Variants in SLC36A1 observed in about 807,000 individuals in gnomAD.
SLC36A1 encodes solute carrier family 36 member 1.
Under a neutral mutation model 47.5 loss-of-function variants are expected in SLC36A1, and 30 were observed. That is an observed-to-expected ratio of 0.63 (90% CI 0.47 to 0.86). The LOEUF (loss-of-function observed/expected upper bound fraction) is 0.86. Ranked by LOEUF, SLC36A1 falls within the 40% of genes least tolerant of loss-of-function variation. The pLI, the probability that SLC36A1 is intolerant of heterozygous loss-of-function variation, is 0.00. For missense variants in SLC36A1, 517 were observed against 606.0 expected, an observed-to-expected ratio of 0.85 and a Z score of 1.54; for synonymous variants, 255 against 249.7, an observed-to-expected ratio of 1.02 and a Z score of -0.20.
chr5:151,509,900 G>A, the SLC36A1 span: 46 of 1,169,494 alleles, frequency 3.9e-5, no homozygotes, highest in South Asian at 5.0e-4. Context: ...GATGGAAAAG[G>A]CCTAGAAGCC....
chr5:151,527,463 A>G, the SLC36A1 span: 1 of 1,365,406 alleles, frequency 7.3e-7, no homozygotes, highest in Non-Finnish European at 9.8e-7. Context: ...ATTTTCAAAA[A>G]AAATAAGAAG....
chr5:151,494,220 G>T (rs932838702), downstream of SLC36A1, among the ~76,000 whole-genome samples: 1 of 152,074 alleles, frequency 6.6e-6, no homozygotes, highest in Non-Finnish European at 1.5e-5. Context: ...TGCCCATTGC[G>T]GTTGTGCTGA....
At position 151,476,842 on chromosome 5, in the gene SLC36A1, T is replaced by C. The variant is rs756596953; in HGVS notation, c.989+86T>C. 10 of 1,511,412 alleles carry C rather than the reference T, an allele frequency of 6.6e-6. No individual in the cohort carries two copies. In the Admixed American group the frequency reaches 1.9e-4, roughly 29 times the overall value. The allele number at this position is 1,511,412 out of a possible 1,614,324, so 93.6% of individuals were successfully genotyped here. On this transcript the variant is annotated intron_variant, in intron 9 of 10. Coordinates refer to ENST00000243389, the MANE Select transcript of SLC36A1 (RefSeq NM_078483.4). ...CAGTGTGGATTCTCCCTCTTACTTA[T>C]CTCTTAAACCAGCCCACTTCACTCT...
At chr5:151,414,525 G>A in the SLC36A1 span, among the ~76,000 whole-genome samples, 1 of 152,156 alleles carries the variant, frequency 6.6e-6, no homozygotes, top group Non-Finnish European at 1.5e-5. Context: ...AAAATATCCT[G>A]TTTCATCTGT....
At chr5:151,537,593 C>G in the SLC36A1 span, among the ~76,000 whole-genome samples, 1 of 152,206 alleles carries the variant, frequency 6.6e-6, no homozygotes, top group East Asian at 1.9e-4. Flanking sequence ...CCCTTTCCCA[C>G]TAGATTATAA....
chr5:151,454,858 G>A (rs149006320), intron 1 of SLC36A1, among the ~76,000 whole-genome samples: 5,418 of 151,978 alleles, frequency 0.036, 331 homozygotes, highest in African/African-American at 0.12. Context: ...GACTACAGGC[G>A]CCCGCTACCA....
chr5:151,367,087 A>G, the SLC36A1 span, among the ~76,000 whole-genome samples: 1 of 151,202 alleles, frequency 6.6e-6, no homozygotes, highest in Non-Finnish European at 1.5e-5. Flanking sequence ...TAAGGGTCCA[A>G]CAAAGATCAC....
the SLC36A1 span, among the ~76,000 whole-genome samples, chr5:151,352,127 G>C: frequency 6.6e-6 from 1 of 152,084 alleles, no homozygotes; most frequent in Non-Finnish European, 1.5e-5. Flanking sequence ...TGTTATGCTA[G>C]TCTTAGGTCA....
chr5:151,551,600 T>A, the SLC36A1 span: 1 of 1,614,144 alleles, frequency 6.2e-7, no homozygotes, highest in South Asian at 1.1e-5. Flanking sequence ...CATGTCCTTA[T>A]CCCCACCTAG....
chr5:151,415,292 C>A, the SLC36A1 span, among the ~76,000 whole-genome samples: 1 of 152,148 alleles, frequency 6.6e-6, no homozygotes, highest in Admixed American at 6.5e-5. Flanking sequence ...GGGCTTCCCT[C>A]TACTCTGGGA....
chr5:151,434,848 A>T (rs1759676342), upstream of SLC36A1, among the ~76,000 whole-genome samples: 2 of 152,170 alleles, frequency 1.3e-5, no homozygotes, highest in Non-Finnish European at 1.5e-5. Flanking sequence ...TGGCAACTTG[A>T]TCTTGGACTT....
chr5:151,391,099 A>G, the SLC36A1 span, among the ~76,000 whole-genome samples: 1 of 152,070 alleles, frequency 6.6e-6, no homozygotes, highest in East Asian at 1.9e-4. Context: ...AGTGGTTTGT[A>G]GTTCTCCTTG....
At chr5:151,527,414 T>C in the SLC36A1 span, 2 of 1,544,836 alleles carry the variant, frequency 1.3e-6, no homozygotes, top group Non-Finnish European at 1.8e-6. Flanking sequence ...AGCAATGAGG[T>C]AGCTGTCCCT....
At chr5:151,549,891 T>G in the SLC36A1 span, among the ~76,000 whole-genome samples, 1 of 152,210 alleles carries the variant, frequency 6.6e-6, no homozygotes, top group Non-Finnish European at 1.5e-5. Flanking sequence ...AACAGTTTTC[T>G]TTGTTGCAGG....
the SLC36A1 span, among the ~76,000 whole-genome samples, chr5:151,541,583 A>T: frequency 1.3e-5 from 2 of 152,168 alleles, no homozygotes; most frequent in East Asian, 3.9e-4. Flanking sequence ...GCACCTGGGG[A>T]TGAGAAAAAA....
At chr5:151,483,760 G>T (rs1213482269) in intron 10 of SLC36A1, among the ~76,000 whole-genome samples, 1 of 152,302 alleles carries the variant, frequency 6.6e-6, no homozygotes, top group East Asian at 1.9e-4. Context: ...GGCTGCTGAT[G>T]CTGATTTGGT....
At chr5:151,371,438 C>A in the SLC36A1 span, among the ~76,000 whole-genome samples, 1,175 of 152,288 alleles carry the variant, frequency 7.7e-3, 19 homozygotes, top group African/African-American at 0.027. Flanking sequence ...TTACAAACAA[C>A]CTTGCACTGT....
chr5:151,496,391 C>T (rs1443641193), downstream of SLC36A1, among the ~76,000 whole-genome samples: 4 of 152,264 alleles, frequency 2.6e-5, no homozygotes, highest in Admixed American at 1.3e-4. Context: ...TTATCAGCAG[C>T]GCGAAAACAG....
intron 1 of SLC36A1, among the ~76,000 whole-genome samples, chr5:151,454,055 A>T (rs1754066559): frequency 6.6e-6 from 1 of 151,082 alleles, no homozygotes; most frequent in Non-Finnish European, 1.5e-5. Flanking sequence ...AGGAAAAAAA[A>T]GGAATGTTTT....
Sources: gnomAD v4.1 joint callset for allele counts (sites outside exome capture counted in the v4.1 genomes callset) on GRCh38, gnomAD v4.1.1 for gene constraint, MANE v1.5 for transcripts, NCBI Gene and HGNC (gene_info 2026-07-23, HGNC 2026-07-21) for gene names.